Variants in ZDHHC15 observed in about 807,000 individuals in gnomAD.
ZDHHC15 encodes the protein palmitoyltransferase ZDHHC15.
In ZDHHC15, 19 loss-of-function variants were observed where a neutral mutation model predicts 31.7. That is an observed-to-expected ratio of 0.60 (90% CI 0.42 to 0.88). The LOEUF (loss-of-function observed/expected upper bound fraction) is 0.88. ZDHHC15 is among the 40% of genes least tolerant of loss of function. ZDHHC15 has a pLI of 0.00. For synonymous variants in ZDHHC15, 103 were observed against 90.0 expected, an observed-to-expected ratio of 1.14 and a Z score of -0.82; for missense variants, 209 against 251.2, an observed-to-expected ratio of 0.83 and a Z score of 1.14.
chrX:75,516,987 T>G (rs2085368021), intron 1 of ZDHHC15, among the ~76,000 whole-genome samples: 1 of 112,136 alleles, frequency 8.9e-6, no homozygotes, highest in Non-Finnish European at 1.9e-5. Context: ...CATGAAAAAA[T>G]GCTCATCATC....
At chrX:75,387,404 A>T (rs1277096657) in intron 10 of ZDHHC15, among the ~76,000 whole-genome samples, 1 of 111,823 alleles carries the variant, frequency 8.9e-6, no homozygotes. Flanking sequence ...TATTATGGAA[A>T]CTCAGTGATT....
intron 1 of ZDHHC15, among the ~76,000 whole-genome samples, chrX:75,511,605 G>T (rs1406837843): frequency 9.8e-5 from 10 of 102,144 alleles, no homozygotes; most frequent in African/African-American, 3.6e-5. Context: ...GTCAATTTTG[G>T]CTTTTGTTGC....
At chrX:75,399,042 C>T (rs866997636) in intron 10 of ZDHHC15, among the ~76,000 whole-genome samples, 2 of 111,894 alleles carry the variant, frequency 1.8e-5, no homozygotes, top group African/African-American at 3.3e-5. Flanking sequence ...TGTTTCACAG[C>T]CTTCACTGGT....
intron 5 of ZDHHC15, 72 bp downstream of exon 5, chrX:75,431,379 A>T: frequency 3.0e-6 from 3 of 1,004,145 alleles, no homozygotes; most frequent in Non-Finnish European, 4.1e-6. Context: ...ACATGTTAGG[A>T]TCAGTCATTT....
At chrX:75,390,218 C>T (rs2083226304) in intron 10 of ZDHHC15, among the ~76,000 whole-genome samples, 1 of 112,218 alleles carries the variant, frequency 8.9e-6, no homozygotes, top group African/African-American at 3.2e-5. Flanking sequence ...CAGGTTGATA[C>T]TTAAGATTTC....
intron 10 of ZDHHC15, among the ~76,000 whole-genome samples, chrX:75,410,525 G>C (rs2083473282): frequency 8.9e-6 from 1 of 112,031 alleles, no homozygotes; most frequent in South Asian, 3.7e-4. Context: ...AATCTTCAGG[G>C]AAATGAAAAT....
intron 10 of ZDHHC15, among the ~76,000 whole-genome samples, chrX:75,380,103 C>G (rs962920417): frequency 8.9e-6 from 1 of 112,109 alleles, no homozygotes; most frequent in Non-Finnish European, 1.9e-5. Flanking sequence ...TTAGGGTATT[C>G]TTCCCTTTAA....
chrX:75,411,117 T>C (rs2083480133), intron 10 of ZDHHC15, among the ~76,000 whole-genome samples: 2 of 111,646 alleles, frequency 1.8e-5, no homozygotes, highest in African/African-American at 6.5e-5. Context: ...TAAAGAGAAG[T>C]TGATTAATGG....
chrX:75,442,259 C>A (rs916647868), intron 4 of ZDHHC15, among the ~76,000 whole-genome samples: 3 of 111,687 alleles, frequency 2.7e-5, no homozygotes, highest in Non-Finnish European at 5.6e-5. Context: ...GGGATGCCCT[C>A]TCTCACCACT....
chrX:75,432,929 A>G (rs2083799040), intron 4 of ZDHHC15, among the ~76,000 whole-genome samples: 1 of 111,318 alleles, frequency 9.0e-6, no homozygotes, highest in Non-Finnish European at 1.9e-5. Context: ...GGCTGCTGTG[A>G]TCCATGAATG....
At chrX:75,470,612 A>T (rs957321268) in intron 3 of ZDHHC15, among the ~76,000 whole-genome samples, 8 of 110,974 alleles carry the variant, frequency 7.2e-5, no homozygotes, top group African/African-American at 2.3e-4. Flanking sequence ...GGCAAGCAAA[A>T]ATGTCATTAC....
At chrX:75,420,728 C>G (rs1281546828) in intron 9 of ZDHHC15, among the ~76,000 whole-genome samples, 1 of 110,991 alleles carries the variant, frequency 9.0e-6, no homozygotes, top group Non-Finnish European at 1.9e-5. Context: ...ACCGCATGTT[C>G]TCACTCATAA....
intron 10 of ZDHHC15, among the ~76,000 whole-genome samples, chrX:75,405,812 T>C (rs1350297401): frequency 8.9e-6 from 1 of 111,859 alleles, no homozygotes; most frequent in Non-Finnish European, 1.9e-5. Flanking sequence ...CTATACCTAA[T>C]AGGCCCAAGT....
At chrX:75,384,882 A>C (rs1258815558) in intron 10 of ZDHHC15, 10 of 503,621 alleles carry the variant, frequency 2.0e-5, no homozygotes, top group Non-Finnish European at 3.2e-5. Context: ...AAAGATGGTA[A>C]ATAATTGACT....
At position 75,462,970 on chromosome X, in the gene ZDHHC15, T is replaced by A. The variant is rs186060951; in HGVS notation, c.259-12048A>T. Among the ~76,000 whole-genome samples, 30 of 109,803 alleles carry A rather than the reference T, an allele frequency of 2.7e-4. No homozygotes were observed. In the East Asian group the frequency reaches 6.7e-3, roughly 24 times the overall value. On this transcript the variant is annotated intron_variant, in intron 3 of 11. Coordinates refer to ENST00000373367, the MANE Select transcript of ZDHHC15 (RefSeq NM_144969.3). ...ACATGAAAAAACTCTTCAAAAAAAA[T>A]CAACAAATCCAGGGTTTTTTAAATT...
chrX:75,509,466 T>A (rs183403592), intron 1 of ZDHHC15, among the ~76,000 whole-genome samples: 84 of 112,338 alleles, frequency 7.5e-4, no homozygotes, highest in African/African-American at 2.7e-3. Flanking sequence ...TTAGTGGAGT[T>A]CAAAAGGGAC....
Position 75,421,987 on chromosome X carries a change from G to T in ZDHHC15, c.740C>A (p.Ala247Asp). ...ACTTGTAAACACTGGAGTGCAGAAG[G>T]CCTCTAAGGCAGGGCAGGAGAGTTG... ...LVSRNKTTLE[A>D]FCTPVFTSGP... Residue 247 changes from alanine (A) to aspartate (D), a missense_variant, in exon 9 of 12, where the codon GCC (alanine) becomes GAC (aspartate). By Grantham distance (126) the Ala-to-Asp change is moderately radical. Transcript: ENST00000373367. 8.3e-7 allele frequency: 1 copy of T among 1,204,613 alleles called. No homozygotes were observed.
Position 75,463,019 on chromosome X carries a change from C to T in ZDHHC15, c.259-12097G>A, listed in dbSNP as rs552884995. On this transcript the variant is annotated intron_variant, in intron 3 of 11. Transcript: ENST00000373367. The stretch of plus-strand genomic sequence containing the variant: ...TTAATCAAATAGATAGACCACTAGC[C>T]AGACTAATAAAGAAGGAAAGAGAGA... 8.3e-4 allele frequency among the ~76,000 whole-genome samples: 92 copies of T among 110,668 alleles called. 1 individual carries two copies. In the South Asian group the frequency reaches 0.031, roughly 37 times the overall value.
chrX:75,380,727 C>T (rs901644412), intron 10 of ZDHHC15, among the ~76,000 whole-genome samples: 2 of 111,376 alleles, frequency 1.8e-5, no homozygotes, highest in African/African-American at 3.3e-5. Context: ...AATTCACCTT[C>T]ACCTCCTACC....
Sources: allele counts gnomAD v4.1 joint callset (sites outside exome capture counted in the v4.1 genomes callset), GRCh38; gene constraint gnomAD v4.1.1; transcripts MANE v1.5; gene names NCBI Gene and HGNC (gene_info 2026-07-23, HGNC 2026-07-21).